The following SCAPER variants were observed in gnomAD, a reference collection of about 807,000 sequenced individuals.
The protein encoded by SCAPER is S phase cyclin A-associated protein in the endoplasmic reticulum.
SCAPER carries 98 observed loss-of-function variants against 182.2 expected under a neutral mutation model. The ratio of observed to expected loss-of-function variants is 0.54; its 90% confidence interval spans 0.46 to 0.64. The LOEUF is 0.64. Among genes scored for constraint, SCAPER ranks in the 30% least tolerant of loss-of-function variants. The pLI is 0.00. For synonymous variants in SCAPER, 605 were observed against 564.6 expected, an observed-to-expected ratio of 1.07 and a Z score of -1.01; for missense variants, 1,432 against 1,690.0, an observed-to-expected ratio of 0.85 and a Z score of 2.68.
At chr15:76,748,806 A>G (rs2061943413) in intron 15 of SCAPER, among the ~76,000 whole-genome samples, 2 of 152,018 alleles carry the variant, frequency 1.3e-5, no homozygotes, top group Non-Finnish European at 1.5e-5. Flanking sequence ...GACACAAATT[A>G]TATAATAGAA....
At chr15:76,550,536 A>T (rs1346633118) in intron 23 of SCAPER, among the ~76,000 whole-genome samples, 1 of 152,064 alleles carries the variant, frequency 6.6e-6, no homozygotes, top group Non-Finnish European at 1.5e-5. Context: ...GTTCCTTTTT[A>T]TGGCTGCATA....
intron 10 of SCAPER, among the ~76,000 whole-genome samples, chr15:76,770,829 T>C (rs920524845): frequency 6.6e-6 from 1 of 152,130 alleles, no homozygotes; most frequent in African/African-American, 2.4e-5. Context: ...CATTTAGAAA[T>C]GTTCATTACT....
intron 21 of SCAPER, among the ~76,000 whole-genome samples, chr15:76,629,508 T>C (rs1191162574): frequency 6.6e-6 from 1 of 152,244 alleles, no homozygotes; most frequent in African/African-American, 2.4e-5. Flanking sequence ...TCTGTGTCTA[T>C]TGAGATAATC....
intron 24 of SCAPER, among the ~76,000 whole-genome samples, chr15:76,475,611 T>A (rs933011835): frequency 6.6e-6 from 1 of 152,140 alleles, no homozygotes; most frequent in Admixed American, 6.5e-5. Flanking sequence ...CCATGCCCCA[T>A]CAGCTTTTAA....
chr15:76,678,277 T>C (rs1031699431), intron 20 of SCAPER, among the ~76,000 whole-genome samples: 3 of 152,102 alleles, frequency 2.0e-5, no homozygotes, highest in Admixed American at 6.5e-5. Flanking sequence ...GAAACCAAGT[T>C]ACAAATCTAA....
chr15:76,799,089 T>C (rs1378069187), intron 7 of SCAPER, among the ~76,000 whole-genome samples: 1 of 152,202 alleles, frequency 6.6e-6, no homozygotes, highest in African/African-American at 2.4e-5. Context: ...TGTGTTGAGC[T>C]TGTAATATAT....
intron 24 of SCAPER, among the ~76,000 whole-genome samples, chr15:76,484,142 G>T (rs924654983): frequency 3.9e-5 from 6 of 152,082 alleles, no homozygotes; most frequent in Non-Finnish European, 8.8e-5. Context: ...TCATACAATG[G>T]ATTATTATTC....
chr15:76,808,396 A>G (rs554880331), intron 5 of SCAPER, among the ~76,000 whole-genome samples: 49 of 152,196 alleles, frequency 3.2e-4, no homozygotes, highest in African/African-American at 1.0e-3. Context: ...GCATGCCCCA[A>G]TTTTCACAGC....
At chr15:76,392,014 G>C (rs1358005374) in intron 27 of SCAPER, among the ~76,000 whole-genome samples, 1 of 152,192 alleles carries the variant, frequency 6.6e-6, no homozygotes, top group Non-Finnish European at 1.5e-5. Flanking sequence ...CTGGAATCAT[G>C]AGCAGAATAA....
chr15:76,381,378 C>G lies in SCAPER; in HGVS notation c.3705G>C (p.Gln1235His). Residue 1235 changes from glutamine to histidine, a missense_variant and splice_region_variant, in exon 28 of 32, where the codon CAG becomes CAC. Gln to His is a conservative substitution (Grantham distance 24). Coordinates refer to ENST00000563290, the MANE Select transcript of SCAPER (RefSeq NM_020843.4). ...SFAALHLPAF[Q>H]SIVGAEGLSL... ...ATCGATATAAACCAATACTTGGTAC[C>G]TGAAAAGCAGGCAGATGAAGAGCTG... 1 of 1,611,238 alleles carries G rather than the reference C, an allele frequency of 6.2e-7. No individual in the cohort carries two copies. The highest frequency in any genetic ancestry group is 8.5e-7 in the Non-Finnish European group (1 of 1,178,326).
At chr15:76,439,925 CCTTTAGAATATTT>C (rs1211816717) in intron 25 of SCAPER, among the ~76,000 whole-genome samples, 2 of 152,156 alleles carry the variant, frequency 1.3e-5, no homozygotes, top group Non-Finnish European at 2.9e-5. Flanking sequence ...AAAGGTATTT[CCTTTAGAATATTT>C]CTTTAGAATA....
intron 17 of SCAPER, among the ~76,000 whole-genome samples, chr15:76,726,391 C>A (rs903725413): frequency 6.6e-6 from 1 of 151,122 alleles, no homozygotes; most frequent in Non-Finnish European, 1.5e-5. Flanking sequence ...GATGTGGAAC[C>A]CTTGTGCAAT....
chr15:76,422,098 A>G (rs1490287876), intron 26 of SCAPER, among the ~76,000 whole-genome samples: 2 of 152,154 alleles, frequency 1.3e-5, no homozygotes, highest in African/African-American at 4.8e-5. Flanking sequence ...TTGTCTTGGC[A>G]ATGCGGGCCC....
At chr15:76,359,615 G>C (rs1010426831) in intron 29 of SCAPER, among the ~76,000 whole-genome samples, 3 of 152,226 alleles carry the variant, frequency 2.0e-5, no homozygotes, top group African/African-American at 7.2e-5. Flanking sequence ...GCTCCTGATT[G>C]AGAGCAAGGA....
intron 24 of SCAPER, among the ~76,000 whole-genome samples, chr15:76,476,615 TTTTTTTTTG>T (rs2050657665): frequency 7.4e-6 from 1 of 136,012 alleles, no homozygotes; most frequent in African/African-American, 2.8e-5. Flanking sequence ...TTTTTTTTTT[TTTTTTTTTG>T]TAGAGACAGA....
chr15:76,863,140 T>C (rs1599164435), intron 2 of SCAPER, among the ~76,000 whole-genome samples: 1 of 152,318 alleles, frequency 6.6e-6, no homozygotes, highest in East Asian at 1.9e-4. Flanking sequence ...GGGCCTAAGA[T>C]TCAGCCCCAC....
At chr15:76,648,189 TA>T (rs3063684) in intron 21 of SCAPER, among the ~76,000 whole-genome samples, 56,748 of 145,674 alleles carry the variant, frequency 0.39, 12,620 homozygotes, top group Middle Eastern at 0.52. Flanking sequence ...AATGAAAACA[TA>T]AAAAAAAAAA....
intron 6 of SCAPER, 103 bp from the exon 7 acceptor site, chr15:76,800,467 TCAA>T (rs1282934747): frequency 9.5e-6 from 7 of 740,304 alleles, no homozygotes; most frequent in South Asian, 3.2e-5. Context: ...ATCCTACTTT[TCAA>T]CAACAACAAC....
At chr15:76,823,998 C>T (rs2067785673) in intron 5 of SCAPER, among the ~76,000 whole-genome samples, 1 of 151,824 alleles carries the variant, frequency 6.6e-6, no homozygotes, top group South Asian at 2.1e-4. Flanking sequence ...TATTTGGTGG[C>T]TTACACAGCC....
Sources: gnomAD v4.1 joint callset for allele counts (sites outside exome capture counted in the v4.1 genomes callset) on GRCh38, gnomAD v4.1.1 for gene constraint, MANE v1.5 for transcripts, NCBI Gene and HGNC (gene_info 2026-07-23, HGNC 2026-07-21) for gene names.